Variants in UNC5C observed in about 807,000 individuals in gnomAD.
UNC5C encodes netrin receptor UNC5C.
In UNC5C, 47 loss-of-function variants were observed where a neutral mutation model predicts 99.8. That is an observed-to-expected ratio of 0.47 (90% CI 0.37 to 0.60). The LOEUF (loss-of-function observed/expected upper bound fraction) is 0.60. UNC5C is among the 20% of genes least tolerant of loss of function. UNC5C has a pLI of 0.00. For synonymous variants in UNC5C, 487 were observed against 452.2 expected (o/e 1.08, Z -0.98); for missense variants, 1,062 against 1,165.9 (o/e 0.91, Z 1.30).
intron 7 of UNC5C, among the ~76,000 whole-genome samples, chr4:95,223,161 T>C (rs1375910349): frequency 6.6e-6 from 1 of 152,190 alleles, no homozygotes; most frequent in African/African-American, 2.4e-5. Flanking sequence ...ACTTAAAATA[T>C]GTGCAACACA....
intron 1 of UNC5C, among the ~76,000 whole-genome samples, chr4:95,543,816 G>C (rs1345297384): frequency 1.3e-5 from 2 of 152,126 alleles, no homozygotes; most frequent in Non-Finnish European, 2.9e-5. Context: ...ACTAATATTA[G>C]GTTAATTTTC....
At chr4:95,321,311 G>C (rs905046198) in intron 2 of UNC5C, among the ~76,000 whole-genome samples, 4 of 152,040 alleles carry the variant, frequency 2.6e-5, no homozygotes, top group Non-Finnish European at 5.9e-5. Flanking sequence ...CAATAGATTA[G>C]AAACAAAAAG....
intron 1 of UNC5C, among the ~76,000 whole-genome samples, chr4:95,363,291 A>C (rs1236807064): frequency 6.6e-6 from 1 of 152,166 alleles, no homozygotes; most frequent in East Asian, 1.9e-4. Context: ...GTTAGTGATC[A>C]TTTGGCAGAG....
intron 2 of UNC5C, among the ~76,000 whole-genome samples, chr4:95,334,748 C>G (rs749578901): frequency 1.9e-4 from 29 of 151,990 alleles, no homozygotes; most frequent in African/African-American, 4.6e-4. Flanking sequence ...TACAGAGCAG[C>G]AAAGTCAGGA....
rs1367833122 is a variant in UNC5C at position 95,246,692 on chromosome 4, T to G, written c.776-1548A>C. ...ACAATACTTAATATGTATTTATACA[T>G]TTTAAATTATAAAAGATGTATAATA... On this transcript the variant is annotated intron_variant, in intron 5 of 15. Coordinates refer to ENST00000453304, the MANE Select transcript of UNC5C (RefSeq NM_003728.4). Among the ~76,000 whole-genome samples the G allele has an allele frequency of 2.0e-5, 3 of 151,910 alleles. No homozygotes were observed. In the East Asian group the frequency reaches 5.8e-4, roughly 29 times the overall value.
chr4:95,455,252 T>G (rs77180294), intron 1 of UNC5C, among the ~76,000 whole-genome samples: 3 of 152,114 alleles, frequency 2.0e-5, no homozygotes, highest in Non-Finnish European at 2.9e-5. Context: ...CTTCAGGAAT[T>G]CTTTCCCATT....
chr4:95,464,860 T>A (rs922657124), intron 1 of UNC5C, among the ~76,000 whole-genome samples: 1 of 152,236 alleles, frequency 6.6e-6, no homozygotes, highest in African/African-American at 2.4e-5. Flanking sequence ...TTTCAGAACT[T>A]AGAACATTTA....
intron 1 of UNC5C, among the ~76,000 whole-genome samples, chr4:95,539,632 C>T (rs1722865982): frequency 6.6e-6 from 1 of 152,072 alleles, no homozygotes; most frequent in South Asian, 2.1e-4. Context: ...GCTCCTAAAA[C>T]ATAAAAAGCT....
intron 1 of UNC5C, among the ~76,000 whole-genome samples, chr4:95,512,761 G>T (rs1722112381): frequency 6.6e-6 from 1 of 152,080 alleles, no homozygotes. Context: ...GGTTTATGGA[G>T]ACAAGTTTAT....
chr4:95,225,541 C>T (rs1738651865), intron 7 of UNC5C, among the ~76,000 whole-genome samples: 1 of 151,908 alleles, frequency 6.6e-6, no homozygotes, highest in South Asian at 2.1e-4. Flanking sequence ...TATAATATAA[C>T]TGATGAAGTG....
intron 1 of UNC5C, among the ~76,000 whole-genome samples, chr4:95,425,453 C>T (rs1301503988): frequency 6.6e-6 from 1 of 152,244 alleles, no homozygotes; most frequent in Non-Finnish European, 1.5e-5. Flanking sequence ...TCGCGAGTAA[C>T]TGGGACTACA....
intron 1 of UNC5C, among the ~76,000 whole-genome samples, chr4:95,521,767 A>T (rs560284034): frequency 2.8e-4 from 43 of 152,208 alleles, no homozygotes; most frequent in Admixed American, 7.2e-4. Context: ...GTGGACTCTA[A>T]AAAGAAATGA....
chr4:95,318,836 G>T (rs904323076), intron 2 of UNC5C, among the ~76,000 whole-genome samples: 4 of 152,210 alleles, frequency 2.6e-5, no homozygotes, highest in African/African-American at 9.7e-5. Context: ...ACAGGGGAAA[G>T]GATATTGAAG....
intron 3 of UNC5C, among the ~76,000 whole-genome samples, chr4:95,297,333 C>T (rs1320538588): frequency 1.3e-5 from 2 of 152,130 alleles, no homozygotes; most frequent in Non-Finnish European, 2.9e-5. Context: ...GGAGATTCCA[C>T]TTAAGACAAA....
intron 1 of UNC5C, among the ~76,000 whole-genome samples, chr4:95,493,874 T>C (rs566243156): frequency 1.3e-5 from 2 of 151,560 alleles, no homozygotes; most frequent in East Asian, 3.9e-4. Flanking sequence ...TGAAGGCAAA[T>C]GATAGATAGG....
At chr4:95,348,913 G>C (rs1268350236) in intron 1 of UNC5C, among the ~76,000 whole-genome samples, 1 of 128,482 alleles carries the variant, frequency 7.8e-6, no homozygotes, top group Non-Finnish European at 1.6e-5. Flanking sequence ...GAGCTAAAAA[G>C]TAAAACAATC....
At chr4:95,334,270 C>T (rs1743241290) in intron 2 of UNC5C, among the ~76,000 whole-genome samples, 1 of 151,908 alleles carries the variant, frequency 6.6e-6, no homozygotes, top group Non-Finnish European at 1.5e-5. Flanking sequence ...GTGCTGGTCT[C>T]TACTTGTCTC....
chr4:95,173,574 C>T (rs1377121363), intron 14 of UNC5C, among the ~76,000 whole-genome samples: 1 of 144,106 alleles, frequency 6.9e-6, no homozygotes, highest in Non-Finnish European at 1.5e-5. Flanking sequence ...ACCAGCCTTG[C>T]ATCCCAGGGA....
chr4:95,356,792 A>G (rs767684033), intron 1 of UNC5C, among the ~76,000 whole-genome samples: 1 of 152,124 alleles, frequency 6.6e-6, no homozygotes, highest in Non-Finnish European at 1.5e-5. Context: ...ACAAAACTGT[A>G]GGGTGGGAAA....
Sources: gnomAD v4.1 joint callset for allele counts (sites outside exome capture counted in the v4.1 genomes callset) on GRCh38, gnomAD v4.1.1 for gene constraint, MANE v1.5 for transcripts, NCBI Gene and HGNC (gene_info 2026-07-23, HGNC 2026-07-21) for gene names.